TUSC3: variants seen among roughly 807,000 people sequenced by gnomAD.
The protein encoded by TUSC3 is tumor suppressor candidate 3.
TUSC3 carries 45 observed loss-of-function variants against 44.8 expected under a neutral mutation model. The observed-to-expected ratio is 1.00, with a 90% CI of 0.79 to 1.29. The LOEUF is 1.29. Among genes scored for constraint, TUSC3 ranks in the 50% most tolerant of loss-of-function variants. The pLI is 0.00. For missense variants in TUSC3, 519 were observed against 437.9 expected, an observed-to-expected ratio of 1.19 and a Z score of -1.65; for synonymous variants, 212 against 152.9, an observed-to-expected ratio of 1.39 and a Z score of -2.85.
At chr8:15,461,961 A>C (rs895549481) in intron 1 of TUSC3, among the ~76,000 whole-genome samples, 1 of 152,074 alleles carries the variant, frequency 6.6e-6, no homozygotes, top group Non-Finnish European at 1.5e-5. Context: ...ATGAAAAATA[A>C]GTGCTTCTGG....
At position 15,540,358 on chromosome 8, in the gene TUSC3, G is replaced by A; in HGVS notation, c.-73G>A. The A allele has an allele frequency of 7.8e-6, 11 of 1,416,704 alleles. No individual in the cohort carries two copies. The highest frequency in any genetic ancestry group is 1.0e-5 in the Non-Finnish European group (11 of 1,081,804). The allele number at this position is 1,416,704 out of a possible 1,614,324, so 87.8% of individuals were successfully genotyped here. ...GCCAGCGGGCTCCCGGAGGCTGGCC[G>A]GGCAGGCGTGGTGCGCGGTAGGAGC... On this transcript the variant is annotated 5_prime_UTR_variant, in exon 1 of 11. Transcript: ENST00000503731.
intron 1 of TUSC3, among the ~76,000 whole-genome samples, chr8:15,454,204 A>T (rs1227921895): frequency 6.6e-6 from 1 of 152,150 alleles, no homozygotes; most frequent in African/African-American, 2.4e-5. Context: ...CAAAAAGTCA[A>T]ACCACACACT....
chr8:15,491,198 G>A (rs753272966), intron 2 of TUSC3, among the ~76,000 whole-genome samples: 3 of 151,508 alleles, frequency 2.0e-5, no homozygotes. Flanking sequence ...GTGAAGGGAT[G>A]ACTTTGAGTT....
intron 6 of TUSC3, among the ~76,000 whole-genome samples, chr8:15,690,041 G>A (rs1299319397): frequency 6.6e-6 from 1 of 151,996 alleles, no homozygotes; most frequent in African/African-American, 2.4e-5. Context: ...TAATGGGATG[G>A]CTGGGTCAAA....
the TUSC3 span, among the ~76,000 whole-genome samples, chr8:15,794,140 C>T: frequency 6.6e-6 from 1 of 152,154 alleles, no homozygotes; most frequent in Non-Finnish European, 1.5e-5. Flanking sequence ...CTATGTAATG[C>T]AGTAGAGAAT....
the TUSC3 span, among the ~76,000 whole-genome samples, chr8:15,775,645 T>TATATATACATAC: frequency 9.7e-4 from 131 of 134,502 alleles, no homozygotes; most frequent in African/African-American, 3.4e-3. Context: ...TATATATATA[T>TATATATACATAC]ATATACACAC....
At chr8:15,514,330 T>C (rs1210323681) in intron 2 of TUSC3, among the ~76,000 whole-genome samples, 1 of 152,206 alleles carries the variant, frequency 6.6e-6, no homozygotes, top group Non-Finnish European at 1.5e-5. Flanking sequence ...TTTTATATTT[T>C]AGGTATGTTT....
Position 15,714,611 on chromosome 8 carries a change from T to A in TUSC3, c.799-16055T>A, listed in dbSNP as rs555624115. Among the ~76,000 whole-genome samples, 5 of 152,278 alleles carry A rather than the reference T, an allele frequency of 3.3e-5. No individual in the cohort carries two copies. In the South Asian group the frequency reaches 1.0e-3, roughly 32 times the overall value. ...AAACATCTGGTATTAATCCAGATAT[T>A]TCAGTACTACATAATTTCCAAGGTT... On this transcript the variant is annotated intron_variant, in intron 6 of 10. Transcript: ENST00000503731.
At chr8:15,489,410 A>T (rs149341855) in intron 2 of TUSC3, among the ~76,000 whole-genome samples, 29 of 152,292 alleles carry the variant, frequency 1.9e-4, no homozygotes, top group African/African-American at 6.7e-4. Flanking sequence ...GAGAAAATAG[A>T]TGGCAGCTGT....
At chr8:15,487,731 G>A (rs543842933) in intron 2 of TUSC3, among the ~76,000 whole-genome samples, 3 of 152,194 alleles carry the variant, frequency 2.0e-5, no homozygotes, top group South Asian at 4.2e-4. Context: ...ATTTGCAAAC[G>A]AAACATCCAA....
In TUSC3 at chr8:15,432,244, TTTG is replaced by T. The variant is rs773985333; in HGVS notation, n.91+14952_91+14954del. Among the ~76,000 whole-genome samples the T allele has an allele frequency of 9.9e-4, 151 of 152,250 alleles. No homozygotes were observed. In the Middle Eastern group the frequency reaches 0.01, roughly 10 times the overall value. On this transcript the variant is annotated intron_variant and non_coding_transcript_variant, in intron 1 of 5. Coordinates refer to the TUSC3 transcript ENST00000503191. ...CAGGAAGCCATCTGGTTTTAGGCTTTTTGTTGTTGTTGTTGAGAGGTTTTTGAT... is the reference window on the plus strand; with the variant it reads ...CAGGAAGCCATCTGGTTTTAGGCTTTTTGTTGTTGTTGAGAGGTTTTTGAT...
At chr8:15,789,208 C>G in the TUSC3 span, among the ~76,000 whole-genome samples, 1 of 152,312 alleles carries the variant, frequency 6.6e-6, no homozygotes, top group East Asian at 1.9e-4. Flanking sequence ...CGAGGCGGCT[C>G]ATGTCACTGA....
intron 2 of TUSC3, among the ~76,000 whole-genome samples, chr8:15,501,121 A>G (rs974720501): frequency 2.0e-5 from 3 of 152,154 alleles, no homozygotes; most frequent in African/African-American, 7.2e-5. Context: ...ATCTCCTTAC[A>G]TCACTTTTGG....
chr8:15,543,536 C>T (rs1272139308), intron 1 of TUSC3, among the ~76,000 whole-genome samples: 2 of 151,942 alleles, frequency 1.3e-5, no homozygotes, highest in African/African-American at 4.8e-5. Flanking sequence ...ATATAATACC[C>T]ATATCTCAGG....
intron 6 of TUSC3, among the ~76,000 whole-genome samples, chr8:15,726,850 A>G (rs967687563): frequency 6.6e-5 from 10 of 151,908 alleles, no homozygotes; most frequent in African/African-American, 2.4e-4. Context: ...GGATTAGACA[A>G]CTAAAAAACA....
intron 7 of TUSC3, among the ~76,000 whole-genome samples, chr8:15,741,192 C>T (rs1253344895): frequency 6.6e-6 from 1 of 152,086 alleles, no homozygotes; most frequent in Non-Finnish European, 1.5e-5. Flanking sequence ...AAATTTGACC[C>T]TAAGAACATA....
At chr8:15,670,603 A>G (rs1807905004) in intron 5 of TUSC3, among the ~76,000 whole-genome samples, 1 of 151,956 alleles carries the variant, frequency 6.6e-6, no homozygotes, top group East Asian at 1.9e-4. Flanking sequence ...ATGGATATGT[A>G]TCTCCATAAT....
chr8:15,561,883 C>T (rs2129140257), intron 1 of TUSC3, among the ~76,000 whole-genome samples: 1 of 152,260 alleles, frequency 6.6e-6, no homozygotes, highest in East Asian at 1.9e-4. Flanking sequence ...TGTGCGCACC[C>T]ACTCTCCTGC....
At chr8:15,718,005 G>C (rs1810128008) in intron 6 of TUSC3, among the ~76,000 whole-genome samples, 1 of 151,904 alleles carries the variant, frequency 6.6e-6, no homozygotes, top group Non-Finnish European at 1.5e-5. Context: ...ATTGTGTTTT[G>C]CATTTTATGA....
Sources: gnomAD v4.1 joint callset for allele counts (sites outside exome capture counted in the v4.1 genomes callset) on GRCh38, gnomAD v4.1.1 for gene constraint, MANE v1.5 for transcripts, NCBI Gene and HGNC (gene_info 2026-07-23, HGNC 2026-07-21) for gene names.